ATRNL1: variants seen among roughly 807,000 people sequenced by gnomAD.
ATRNL1 encodes attractin like 1.
Under a neutral mutation model 182.7 loss-of-function variants are expected in ATRNL1, and 95 were observed. The ratio of observed to expected loss-of-function variants is 0.52; its 90% CI spans 0.44 to 0.62. The LOEUF (loss-of-function observed/expected upper bound fraction) is 0.62, where lower values mean the gene tolerates loss of function less well. Ranked by LOEUF, ATRNL1 falls within the 20% of genes least tolerant of loss-of-function variation. The pLI is 0.00. For synonymous variants in ATRNL1, 576 were observed against 568.3 expected (o/e 1.01, Z -0.19); for missense variants, 1,471 against 1,679.5 (o/e 0.88, Z 2.17).
intron 26 of ATRNL1, among the ~76,000 whole-genome samples, chr10:115,706,641 TGCAGACATC>T (rs1946908920): frequency 1.3e-5 from 2 of 151,942 alleles, no homozygotes; most frequent in Admixed American, 1.3e-4. Flanking sequence ...ATAGGTTAAG[TGCAGACATC>T]CGACTTGTAT....
chr10:115,214,049 C>T (rs1191947332), intron 8 of ATRNL1, among the ~76,000 whole-genome samples: 2 of 150,464 alleles, frequency 1.3e-5, no homozygotes, highest in African/African-American at 2.5e-5. Context: ...TGTACACACA[C>T]ACACACACAC....
chr10:115,568,110 G>A (rs1555002430), intron 26 of ATRNL1, among the ~76,000 whole-genome samples: 2 of 152,052 alleles, frequency 1.3e-5, no homozygotes, highest in Non-Finnish European at 2.9e-5. Context: ...GTGGAATAAC[G>A]TTTTATGAAT....
At position 115,678,440 on chromosome 10, in the gene ATRNL1, A is replaced by C. The variant is rs150154722; in HGVS notation, c.3796-48808A>C. Among the ~76,000 whole-genome samples, 10 of 152,244 alleles carry C rather than the reference A, an allele frequency of 6.6e-5. No individual in the cohort carries two copies. In the East Asian group the frequency reaches 1.9e-3, roughly 29 times the overall value. ...GTTATTATTTTAAAAATTTATGTGGAGTAGTTAAAATGAATTAAACTCCGA... is the reference window on the plus strand; with the variant it reads ...GTTATTATTTTAAAAATTTATGTGGCGTAGTTAAAATGAATTAAACTCCGA... On this transcript the variant is annotated intron_variant, in intron 26 of 28. Coordinates refer to ENST00000355044, the MANE Select transcript of ATRNL1 (RefSeq NM_207303.4).
intron 7 of ATRNL1, among the ~76,000 whole-genome samples, chr10:115,170,642 G>T (rs1847251403): frequency 6.6e-6 from 1 of 151,982 alleles, no homozygotes; most frequent in Non-Finnish European, 1.5e-5. Context: ...AGTTATATGG[G>T]AGGAGTACAT....
chr10:115,573,120 G>C (rs782038097), intron 26 of ATRNL1, among the ~76,000 whole-genome samples: 3 of 152,150 alleles, frequency 2.0e-5, no homozygotes, highest in African/African-American at 4.8e-5. Flanking sequence ...GCTCTTGCCA[G>C]GCATCTTGGA....
At chr10:115,525,212 T>C (rs1851147094) in intron 25 of ATRNL1, among the ~76,000 whole-genome samples, 1 of 152,192 alleles carries the variant, frequency 6.6e-6, no homozygotes, top group East Asian at 1.9e-4. Flanking sequence ...TGTTAAATAG[T>C]ACCACTGTTG....
chr10:115,182,463 C>T (rs1847786293), intron 8 of ATRNL1, among the ~76,000 whole-genome samples: 1 of 151,450 alleles, frequency 6.6e-6, no homozygotes, highest in Non-Finnish European at 1.5e-5. Flanking sequence ...ATAATACATA[C>T]ACACAGTAAT....
At chr10:115,593,800 G>T (rs17093329) in intron 26 of ATRNL1, among the ~76,000 whole-genome samples, 2,968 of 152,128 alleles carry the variant, frequency 0.02, 64 homozygotes, top group East Asian at 0.12. Context: ...GTTGTCAAAT[G>T]GGTAGTTTTG....
intron 21 of ATRNL1, among the ~76,000 whole-genome samples, chr10:115,441,392 T>G (rs1160547638): frequency 6.6e-6 from 1 of 151,876 alleles, no homozygotes; most frequent in African/African-American, 2.4e-5. Context: ...TCCCCACAAC[T>G]CCATAGACAT....
intron 19 of ATRNL1, among the ~76,000 whole-genome samples, chr10:115,358,388 C>A (rs760467986): frequency 1.3e-5 from 2 of 151,600 alleles, no homozygotes; most frequent in Non-Finnish European, 3.0e-5. Context: ...GCCCAGATAA[C>A]TTTTCTTGCT....
intron 7 of ATRNL1, among the ~76,000 whole-genome samples, chr10:115,170,219 T>G: frequency 6.6e-6 from 1 of 152,144 alleles, no homozygotes; most frequent in Non-Finnish European, 1.5e-5. Context: ...CTTAGGGAAA[T>G]GTATCTAGTC....
Position 115,573,217 on chromosome 10 carries a change from C to T in ATRNL1, c.3795+23681C>T, listed in dbSNP as rs143095853. ...GCTCTCAGTGATACGGATGGGGAGC[C>T]GGAAGCAGGGATGGAGTGGGAAGGT... On this transcript the variant is annotated intron_variant, in intron 26 of 28. Coordinates refer to ENST00000355044, the MANE Select transcript of ATRNL1 (RefSeq NM_207303.4). Among the ~76,000 whole-genome samples the T allele has an allele frequency of 2.1e-4, 32 of 152,160 alleles. No individual in the cohort carries two copies. In the South Asian group the frequency reaches 2.3e-3, roughly 11 times the overall value.
intron 18 of ATRNL1, among the ~76,000 whole-genome samples, chr10:115,324,566 A>G (rs1024720565): frequency 6.6e-6 from 1 of 152,188 alleles, no homozygotes; most frequent in African/African-American, 2.4e-5. Flanking sequence ...TATTCACCAA[A>G]TATATGATGT....
chr10:115,780,514 C>T (rs1183615270), intron 27 of ATRNL1, among the ~76,000 whole-genome samples: 1 of 152,100 alleles, frequency 6.6e-6, no homozygotes, highest in Non-Finnish European at 1.5e-5. Context: ...CCTCCCCAAA[C>T]CCCAGGCTGA....
At chr10:115,653,672 C>A (rs964408832) in intron 26 of ATRNL1, among the ~76,000 whole-genome samples, 6 of 152,150 alleles carry the variant, frequency 3.9e-5, no homozygotes, top group Admixed American at 6.6e-5. Context: ...TCTCTAGCAG[C>A]CTGTGTTTAC....
intron 10 of ATRNL1, among the ~76,000 whole-genome samples, chr10:115,252,117 C>G (rs1209439144): frequency 1.3e-5 from 2 of 152,112 alleles, no homozygotes; most frequent in Non-Finnish European, 2.9e-5. Context: ...ACCTCTGTCT[C>G]CCGGGTTCAA....
intron 5 of ATRNL1, among the ~76,000 whole-genome samples, chr10:115,131,475 G>T (rs896097216): frequency 1.3e-5 from 2 of 152,112 alleles, no homozygotes; most frequent in African/African-American, 4.8e-5. Context: ...AACTGATCCT[G>T]ATTCTGTATT....
At chr10:115,331,376 T>G (rs1554935038) in intron 18 of ATRNL1, among the ~76,000 whole-genome samples, 1 of 152,168 alleles carries the variant, frequency 6.6e-6, no homozygotes, top group African/African-American at 2.4e-5. Context: ...CATTTTTCCT[T>G]TCATTTATTA....
At position 115,690,686 on chromosome 10, in the gene ATRNL1, G is replaced by A. The variant is rs77114903; in HGVS notation, c.3796-36562G>A. 5.5e-3 allele frequency among the ~76,000 whole-genome samples: 837 copies of A among 152,222 alleles called. 8 individuals carry two copies. The highest frequency in any genetic ancestry group is 0.019 in the African/African-American group (807 of 41,544). On this transcript the variant is annotated intron_variant, in intron 26 of 28. Coordinates refer to ENST00000355044, the MANE Select transcript of ATRNL1 (RefSeq NM_207303.4). ...GGGCTCATGGGATGTAGAGATATGGGGGCTATGATTCCCAGGGCAAGATGC... is the reference window on the plus strand; with the variant it reads ...GGGCTCATGGGATGTAGAGATATGGAGGCTATGATTCCCAGGGCAAGATGC...
Sources: gnomAD v4.1 joint callset for allele counts (sites outside exome capture counted in the v4.1 genomes callset) on GRCh38, gnomAD v4.1.1 for gene constraint, MANE v1.5 for transcripts, NCBI Gene and HGNC (gene_info 2026-07-23, HGNC 2026-07-21) for gene names.